Variants in CECR2 observed in about 807,000 individuals in gnomAD.
The protein encoded by CECR2 is chromatin remodeling regulator CECR2.
A neutral mutation model predicts 154.5 loss-of-function variants in CECR2; 30 were observed. The observed-to-expected ratio is 0.19, with a 90% confidence interval of 0.15 to 0.26. CECR2 has a LOEUF of 0.26. Ranked by LOEUF, CECR2 falls within the 10% of genes least tolerant of loss-of-function variation. The pLI, the probability that CECR2 is intolerant of heterozygous loss-of-function variation, is 1.00. For synonymous variants in CECR2, 725 were observed against 683.7 expected, an observed-to-expected ratio of 1.06 and a Z score of -0.94; for missense variants, 1,743 against 1,829.3, an observed-to-expected ratio of 0.95 and a Z score of 0.86.
chr22:17,479,501 G>A (rs1234308801), intron 2 of CECR2, among the ~76,000 whole-genome samples: 1 of 152,182 alleles, frequency 6.6e-6, no homozygotes, highest in African/African-American at 2.4e-5. Flanking sequence ...ACAACCTGGG[G>A]TAAGAAAGTG....
At chr22:17,439,341 A>T (rs1269663214) in intron 1 of CECR2, among the ~76,000 whole-genome samples, 1 of 152,170 alleles carries the variant, frequency 6.6e-6, no homozygotes, top group African/African-American at 2.4e-5. Context: ...AGCTTTATTT[A>T]TACTAATGGG....
intron 1 of CECR2, among the ~76,000 whole-genome samples, chr22:17,453,893 A>G (rs569025948): frequency 5.9e-5 from 9 of 152,256 alleles, no homozygotes; most frequent in Admixed American, 3.9e-4. Flanking sequence ...TTCAAGTGCT[A>G]TTTCTTTATG....
rs1273599103 is a variant in CECR2, at chr22:17,549,299, C to T, written c.4012C>T (p.Pro1338Ser). The part of the protein sequence containing the change: ...GMGFGSSAFP[P>S]HSVMLQTGPP... The stretch of plus-strand genomic sequence containing the variant: ...GGGATTTGGTTCATCTGCATTTCCA[C>T]CCCACAGTGTGATGCTGCAGACGGG... Residue 1338 changes from proline (P) to serine (S), a missense_variant, in exon 17 of 19, where the codon CCC (proline) becomes TCC (serine). By Grantham distance (74) the Pro-to-Ser change is moderately conservative. Around this residue, in one of 4 missense-constraint regions of CECR2, gnomAD observed 1,250 missense variants for 1,192.1 expected, o/e 1.05. Transcript: ENST00000262608. 1 of 1,614,034 alleles carries T rather than the reference C, an allele frequency of 6.2e-7. No individual in the cohort carries two copies.
At chr22:17,520,309 A>G (rs768964680) in intron 8 of CECR2, among the ~76,000 whole-genome samples, 1 of 152,150 alleles carries the variant, frequency 6.6e-6, no homozygotes, top group Non-Finnish European at 1.5e-5. Flanking sequence ...ATATATAGAT[A>G]TACCTGTTTT....
At chr22:17,483,729 T>G (rs181965566) in intron 2 of CECR2, among the ~76,000 whole-genome samples, 101 of 152,014 alleles carry the variant, frequency 6.6e-4, no homozygotes, top group African/African-American at 2.4e-3. Context: ...GAAGGAAAGG[T>G]TTTTTTTAAA....
At chr22:17,434,497 C>T (rs956269824) in intron 1 of CECR2, among the ~76,000 whole-genome samples, 6 of 152,136 alleles carry the variant, frequency 3.9e-5, no homozygotes, top group East Asian at 1.9e-4. Flanking sequence ...TACAGTAGGC[C>T]TTCTTCACGG....
intron 2 of CECR2, among the ~76,000 whole-genome samples, chr22:17,484,558 A>C (rs1490096220): frequency 6.6e-6 from 1 of 152,142 alleles, no homozygotes; most frequent in African/African-American, 2.4e-5. Context: ...TAAAAAATAT[A>C]AAAACCATTA....
At position 17,556,076 on chromosome 22, in the gene CECR2, G is replaced by A. The variant is rs1290828509; in HGVS notation, c.*3236G>A. The A allele has an allele frequency of 6.6e-6, 1 of 152,208 alleles. No individual in the cohort carries two copies. The highest frequency in any genetic ancestry group is 2.4e-5 in the African/African-American group (1 of 41,452). The allele number at this position is 152,208 out of a possible 1,614,324, so 9.4% of individuals were successfully genotyped here. ...TTGGCTGAAATTTGTTACAGTGAAT[G>A]AATGTGGAGAATAAATAAGAACAAA... On this transcript the variant is annotated 3_prime_UTR_variant, in exon 19 of 19. Transcript: ENST00000262608.
In CECR2 at chr22:17,505,028, T is replaced by A. The variant is rs1474945451; in HGVS notation, c.870+12T>A. 2 of 1,611,970 alleles carry A rather than the reference T, an allele frequency of 1.2e-6. No individual in the cohort carries two copies. The highest frequency in any genetic ancestry group is 2.2e-5 in the East Asian group (1 of 44,864). On this transcript the variant is annotated intron_variant, in intron 7 of 18. Transcript: ENST00000262608. The stretch of plus-strand genomic sequence containing the variant: ...TGATCGCCCAGAAGGTGCGCCACAC[T>A]CTCTGCTCTGTCCTCCTCAGTGTTA...
intron 1 of CECR2, among the ~76,000 whole-genome samples, chr22:17,380,622 T>C (rs1407033485): frequency 1.3e-5 from 2 of 152,196 alleles, no homozygotes; most frequent in African/African-American, 4.8e-5. Context: ...GAACAGACTG[T>C]GTGTACCCTC....
At chr22:17,528,292 A>C (rs1157532459) in intron 9 of CECR2, among the ~76,000 whole-genome samples, 1 of 152,218 alleles carries the variant, frequency 6.6e-6, no homozygotes, top group Non-Finnish European at 1.5e-5. Flanking sequence ...TTTTAAATGA[A>C]ATAAGACAGG....
intron 7 of CECR2, among the ~76,000 whole-genome samples, chr22:17,511,418 C>T (rs986662697): frequency 3.3e-5 from 5 of 152,126 alleles, no homozygotes; most frequent in African/African-American, 9.7e-5. Context: ...TGCCTTTGCC[C>T]GGCGGCCCAC....
chr22:17,542,180 C>T lies in CECR2; in HGVS notation c.2037C>T (p.Leu679=), dbSNP rs1433028148. The change falls in exon 16 of 19, where the codon CTC becomes CTT. Residue 679 remains leucine (L), a synonymous_variant. Transcript: ENST00000262608. ...TMQPPVGINS[L]RGPRLGTPEE... is the part of the protein sequence containing the mutation. ...AGCCTCCAGTTGGAATTAACAGCCT[C>T]CGAGGACCCAGGCTAGGCACACCAG... 6.2e-7 allele frequency: 1 copy of T among 1,611,792 alleles called. No individual in the cohort carries two copies.
chr22:17,524,749 G>T (rs2056229056), intron 9 of CECR2: 1 of 172,654 alleles, frequency 5.8e-6, no homozygotes, highest in South Asian at 5.7e-5. Flanking sequence ...CCCACCTGGA[G>T]TGCAGTGGCA....
chr22:17,520,156 C>T (rs1005115638), intron 8 of CECR2, among the ~76,000 whole-genome samples: 3 of 152,148 alleles, frequency 2.0e-5, no homozygotes, highest in African/African-American at 4.8e-5. Flanking sequence ...TTGCTCAGTC[C>T]TTATTAAAAT....
At chr22:17,480,015 C>G (rs1363953067) in intron 2 of CECR2, among the ~76,000 whole-genome samples, 2 of 152,068 alleles carry the variant, frequency 1.3e-5, no homozygotes, top group African/African-American at 4.8e-5. Flanking sequence ...CTGCCTTGGC[C>G]TCTCAAAGTG....
At chr22:17,508,420 A>G (rs1448469277) in intron 7 of CECR2, among the ~76,000 whole-genome samples, 1 of 151,594 alleles carries the variant, frequency 6.6e-6, no homozygotes, top group African/African-American at 2.4e-5. Context: ...TTTTTACTGC[A>G]CCTTTTCTAT....
Position 17,369,630 on chromosome 22 carries a change from C to T in CECR2, c.-154C>T, listed in dbSNP as rs2063030366. 1 of 146,918 alleles carries T rather than the reference C, an allele frequency of 6.8e-6. No individual in the cohort carries two copies. Among genetic ancestry groups the T allele is most frequent in the Non-Finnish European group, 1.5e-5 (1 of 65,928 alleles). The allele number at this position is 146,918 out of a possible 1,614,324, so 9.1% of individuals were successfully genotyped here. On this transcript the variant is annotated 5_prime_UTR_variant, in exon 1 of 19. Coordinates refer to ENST00000262608, the MANE Select transcript of CECR2 (RefSeq NM_001290047.2). Reference sequence around the variant, plus strand: ...CCCCGCCCGGCGCCCGCCCTCGGCTCCTGCACTCGCCGAGCGGCGGCAGCA... The same window carrying T: ...CCCCGCCCGGCGCCCGCCCTCGGCTTCTGCACTCGCCGAGCGGCGGCAGCA...
chr22:17,477,026 C>T, intron 1 of CECR2: 1 of 685,768 alleles, frequency 1.5e-6, no homozygotes. Flanking sequence ...AGCCTTGGAT[C>T]TCGCAATCAC....
Sources: gnomAD v4.1 joint callset for allele counts (sites outside exome capture counted in the v4.1 genomes callset) on GRCh38, gnomAD v4.1.1 for gene constraint, gnomAD v4.1.1 regional missense constraint, MANE v1.5 for transcripts, NCBI Gene and HGNC (gene_info 2026-07-23, HGNC 2026-07-21) for gene names.